The following MAPK10 variants were observed in gnomAD, a reference collection of about 807,000 sequenced individuals.
MAPK10 encodes the protein JNK3 alpha protein kinase.
MAPK10 carries 25 observed loss-of-function variants against 59.3 expected under a neutral mutation model. The observed-to-expected ratio is 0.42, with a 90% CI of 0.31 to 0.59. MAPK10 has a LOEUF of 0.59. MAPK10 is among the 20% of genes least tolerant of loss of function. MAPK10 has a pLI of 0.15. For missense variants in MAPK10, 351 were observed against 568.9 expected, an observed-to-expected ratio of 0.62 and a Z score of 3.90; for synonymous variants, 190 against 200.5, an observed-to-expected ratio of 0.95 and a Z score of 0.44.
chr4:86,256,769 C>G lies in MAPK10; in HGVS notation c.-6-62362G>C, dbSNP rs925498246. On this transcript the variant is annotated intron_variant, in intron 2 of 13. Coordinates refer to ENST00000641462, the MANE Select transcript of MAPK10 (RefSeq NM_138982.4). ...TTTTTTTTTTTTTTTGAGACAGAGT[C>G]TCTCTCTGTCGCCCAGGCTGGAGTA... Among the ~76,000 whole-genome samples the G allele has an allele frequency of 5.5e-5, 6 of 109,288 alleles. 1 individual carries two copies. Among genetic ancestry groups the G allele is most frequent in the African/African-American group, 2.2e-4 (6 of 27,810 alleles). The allele number at this position is 109,288 out of a possible 152,430, so 71.7% of individuals were successfully genotyped here. A position where few individuals can be genotyped will look rare whatever the true frequency, so the allele number is the denominator to read the frequency against.
chr4:86,102,141 C>T (rs1293766709), intron 6 of MAPK10, 109 bp from the exon 7 acceptor site: 29 of 925,538 alleles, frequency 3.1e-5, no homozygotes, highest in Non-Finnish European at 4.8e-5. Flanking sequence ...CTTCTTAGCT[C>T]TGCCTTTGAC....
At position 86,016,984 on chromosome 4, in the gene MAPK10, T is replaced by C; in HGVS notation, c.*244A>G. ...TCTGATTTGCTTTCTGTAGTAAGCA[T>C]CATTGGAAGAAGACCAAAGCAAGAG... On this transcript the variant is annotated 3_prime_UTR_variant, in exon 14 of 14. Coordinates refer to ENST00000641462, the MANE Select transcript of MAPK10 (RefSeq NM_138982.4). 2.5e-6 allele frequency: 1 copy of C among 399,192 alleles called. No individual in the cohort carries two copies. The allele number at this position is 399,192 out of a possible 1,614,324, so 24.7% of individuals were successfully genotyped here. A position where few individuals can be genotyped will look rare whatever the true frequency, so the allele number is the denominator to read the frequency against.
At chr4:86,142,595 T>A (rs1282295358) in intron 4 of MAPK10, among the ~76,000 whole-genome samples, 1 of 152,188 alleles carries the variant, frequency 6.6e-6, no homozygotes, top group East Asian at 1.9e-4. Flanking sequence ...TTAGATTGTT[T>A]TATTTCTTGA....
intron 4 of MAPK10, among the ~76,000 whole-genome samples, chr4:86,158,193 C>T (rs919508487): frequency 4.8e-5 from 7 of 146,428 alleles, no homozygotes; most frequent in African/African-American, 1.1e-4. Flanking sequence ...AATTTTAAAC[C>T]TCTTTTTTTT....
At chr4:86,375,537 A>G (rs553134948) in intron 1 of MAPK10, among the ~76,000 whole-genome samples, 1 of 152,148 alleles carries the variant, frequency 6.6e-6, no homozygotes, top group Admixed American at 6.5e-5. Context: ...TCTGGACAAC[A>G]TGGCAAAACC....
At chr4:86,325,861 T>C (rs576739517) in intron 2 of MAPK10, 3 of 152,198 alleles carry the variant, frequency 2.0e-5, no homozygotes, top group Non-Finnish European at 4.4e-5. Context: ...ACTCTAAGCA[T>C]AATTTAATCA....
At chr4:86,233,041 GC>G (rs1212983163) in intron 2 of MAPK10, among the ~76,000 whole-genome samples, 3 of 152,094 alleles carry the variant, frequency 2.0e-5, no homozygotes, top group Non-Finnish European at 4.4e-5. Flanking sequence ...TGTAATACAA[GC>G]TTTTTGATAA....
intron 1 of MAPK10, among the ~76,000 whole-genome samples, chr4:86,552,533 G>A (rs975949359): frequency 1.4e-5 from 2 of 146,978 alleles, no homozygotes; most frequent in African/African-American, 5.0e-5. Context: ...AAGGAAGGAA[G>A]GAAGGAAGGA....
At chr4:86,089,348 G>T in intron 9 of MAPK10, 2 of 1,007,144 alleles carry the variant, frequency 2.0e-6, no homozygotes, top group Non-Finnish European at 1.5e-6. Context: ...AAAACACTGG[G>T]CTACTCATGC....
chr4:86,083,321 T>C (rs1259838287), intron 9 of MAPK10, among the ~76,000 whole-genome samples: 1 of 152,132 alleles, frequency 6.6e-6, no homozygotes, highest in Non-Finnish European at 1.5e-5. Flanking sequence ...GGAGAAACTG[T>C]CTTTAATTGC....
chr4:86,060,813 G>A (rs1271612045), intron 11 of MAPK10, among the ~76,000 whole-genome samples: 1 of 151,970 alleles, frequency 6.6e-6, no homozygotes, highest in Admixed American at 6.6e-5. Flanking sequence ...TGAAAAAAAT[G>A]GACCTAAAAT....
rs1354878200 is a variant in MAPK10, at chr4:86,017,105, C to A, written c.*123G>T. On this transcript the variant is annotated 3_prime_UTR_variant, in exon 14 of 14. Transcript: ENST00000641462. The surrounding 1 kb of genome is among the most constrained non-coding windows in gnomAD (Gnocchi z 4.4). ...ATTTATTTAATTTTAGGCTTGGATT[C>A]TCTCCCTTGCTGTTTTCTTGATGTT... 5 of 1,083,916 alleles carry A rather than the reference C, an allele frequency of 4.6e-6. No homozygotes were observed. Among genetic ancestry groups the A allele is most frequent in the Non-Finnish European group, 6.6e-6 (5 of 752,982 alleles). The allele number at this position is 1,083,916 out of a possible 1,614,324, so 67.1% of individuals were successfully genotyped here.
intron 1 of MAPK10, among the ~76,000 whole-genome samples, chr4:86,452,540 C>T (rs1030148970): frequency 7.9e-5 from 12 of 152,172 alleles, no homozygotes; most frequent in East Asian, 3.9e-4. Flanking sequence ...CACACACACA[C>T]GCAAGTCTGA....
intron 1 of MAPK10, among the ~76,000 whole-genome samples, chr4:86,489,036 T>G (rs182864532): frequency 6.6e-6 from 1 of 152,316 alleles, no homozygotes; most frequent in East Asian, 1.9e-4. Context: ...CCAGTGTTAA[T>G]GTGGAGGCCA....
chr4:86,205,896 C>T (rs540908273), intron 2 of MAPK10, among the ~76,000 whole-genome samples: 9 of 151,758 alleles, frequency 5.9e-5, no homozygotes, highest in Non-Finnish European at 1.3e-4. Context: ...GAGGCATTCC[C>T]TCTCAGATTT....
At chr4:86,547,262 C>T (rs1759275038) in intron 1 of MAPK10, among the ~76,000 whole-genome samples, 2 of 152,218 alleles carry the variant, frequency 1.3e-5, no homozygotes, top group Admixed American at 6.5e-5. Context: ...TGTGGGATCC[C>T]CTTTCTGGGC....
At chr4:86,342,648 C>T (rs899128936) in intron 2 of MAPK10, among the ~76,000 whole-genome samples, 9 of 152,198 alleles carry the variant, frequency 5.9e-5, no homozygotes, top group Non-Finnish European at 1.2e-4. Context: ...TGCATAATTG[C>T]TTAGCAAGAC....
intron 1 of MAPK10, chr4:86,542,648 G>C (rs1364959247): frequency 6.5e-6 from 1 of 154,294 alleles, no homozygotes; most frequent in Non-Finnish European, 1.5e-5. Context: ...AGAGTTCACT[G>C]ACCTGTCAAC....
chr4:86,530,853 T>C (rs2149091212), intron 1 of MAPK10, among the ~76,000 whole-genome samples: 1 of 152,344 alleles, frequency 6.6e-6, no homozygotes, highest in South Asian at 2.1e-4. Context: ...ATCTTTTTCC[T>C]GTGGTCATCT....
Sources: gnomAD v4.1 joint callset for allele counts (sites outside exome capture counted in the v4.1 genomes callset) on GRCh38, gnomAD v4.1.1 for gene constraint, Gnocchi (gnomAD v3.1) non-coding constraint, MANE v1.5 for transcripts, NCBI Gene and HGNC (gene_info 2026-07-23, HGNC 2026-07-21) for gene names.